Variants in PREX2 observed in about 807,000 individuals in gnomAD.
The protein encoded by PREX2 is phosphatidylinositol 3,4,5-trisphosphate-dependent Rac exchanger 2 protein.
Under a neutral mutation model 203.2 loss-of-function variants are expected in PREX2, and 107 were observed. That is an observed-to-expected ratio of 0.53 (90% CI 0.45 to 0.62). PREX2 has a LOEUF of 0.62. Among genes scored for constraint, PREX2 ranks in the 20% least tolerant of loss-of-function variants. The probability of loss-of-function intolerance (pLI) is 0.00; values close to 1 mark genes in which losing one functional copy is unlikely to be tolerated. For synonymous variants in PREX2, 672 were observed against 663.6 expected (o/e 1.01, Z -0.19); for missense variants, 1,777 against 1,955.9 (o/e 0.91, Z 1.72).
Position 67,990,806 on chromosome 8 carries a change from C to T in PREX2, c.142-27040C>T, listed in dbSNP as rs945251976. ...GATTACAGGCGTGAGCCACCGTGCC[C>T]GGCCTCCCAGGTGGTTTTGATGTGC... On this transcript the variant is annotated intron_variant, in intron 1 of 39. Transcript: ENST00000288368. Among the ~76,000 whole-genome samples the T allele has an allele frequency of 1.2e-4, 18 of 152,156 alleles. 1 individual carries two copies. The highest frequency in any genetic ancestry group is 1.0e-3 in the Admixed American group (16 of 15,272).
intron 1 of PREX2, among the ~76,000 whole-genome samples, chr8:67,996,142 C>A: frequency 6.6e-6 from 1 of 151,868 alleles, no homozygotes; most frequent in East Asian, 1.9e-4. Flanking sequence ...CTGTTATGTC[C>A]AAGTTTTTAC....
At chr8:68,034,640 G>A (rs190076357) in intron 6 of PREX2, among the ~76,000 whole-genome samples, 5 of 152,118 alleles carry the variant, frequency 3.3e-5, no homozygotes, top group African/African-American at 9.6e-5. Flanking sequence ...GAAAGAAATT[G>A]GACATTTCTT....
chr8:68,010,540 T>C (rs985827421), intron 1 of PREX2, among the ~76,000 whole-genome samples: 2 of 152,176 alleles, frequency 1.3e-5, no homozygotes, highest in Admixed American at 6.5e-5. Context: ...TCAGATAACA[T>C]TTACTGGGCC....
chr8:68,166,868 T>C (rs936554360), intron 35 of PREX2, among the ~76,000 whole-genome samples: 4 of 151,950 alleles, frequency 2.6e-5, no homozygotes, highest in African/African-American at 9.7e-5. Context: ...GGTGGATGCC[T>C]TGAGCTGTGG....
chr8:68,220,109 G>A (rs1269720002), intron 38 of PREX2: 1 of 151,552 alleles, frequency 6.6e-6, no homozygotes, highest in Non-Finnish European at 1.5e-5. Context: ...ATTTTTTTGG[G>A]AATAAGAAAC....
chr8:68,070,066 A>G (rs1445119756), intron 13 of PREX2, among the ~76,000 whole-genome samples, 182 bp downstream of exon 13: 1 of 151,782 alleles, frequency 6.6e-6, no homozygotes, highest in African/African-American at 2.4e-5. Context: ...TTCTAATTAT[A>G]TAGTGTTTTC....
chr8:68,120,120 T>G (rs1810739330), intron 28 of PREX2, 76 bp from the exon 29 acceptor site: 1 of 959,840 alleles, frequency 1.0e-6, no homozygotes, highest in African/African-American at 1.7e-5. Context: ...AAAAAATATT[T>G]TATAAGATTT....
chr8:68,133,239 A>G (rs779196055), intron 31 of PREX2, among the ~76,000 whole-genome samples: 3 of 152,134 alleles, frequency 2.0e-5, no homozygotes, highest in Non-Finnish European at 4.4e-5. Flanking sequence ...CAAGAACAGC[A>G]TGGGAGAAAC....
intron 1 of PREX2, among the ~76,000 whole-genome samples, chr8:68,016,345 C>G (rs1203873357): frequency 6.6e-6 from 1 of 151,944 alleles, no homozygotes; most frequent in African/African-American, 2.4e-5. Flanking sequence ...AATTTTTTCA[C>G]CAGACAGTAT....
intron 32 of PREX2, 59 bp from the exon 33 acceptor site, chr8:68,138,356 T>C: frequency 1.1e-6 from 1 of 886,766 alleles, no homozygotes; most frequent in Non-Finnish European, 1.7e-6. Flanking sequence ...CATTATGTCA[T>C]GTTACGTTAT....
intron 11 of PREX2, among the ~76,000 whole-genome samples, chr8:68,067,464 G>A (rs1458306143): frequency 6.6e-6 from 1 of 151,798 alleles, no homozygotes; most frequent in Non-Finnish European, 1.5e-5. Context: ...TCACCTTCTT[G>A]TGTTATTCCT....
chr8:68,120,841 A>T, intron 29 of PREX2, 80 bp from the exon 30 acceptor site: 1 of 1,218,584 alleles, frequency 8.2e-7, no homozygotes, highest in Non-Finnish European at 1.2e-6. Context: ...CAACAGTGAC[A>T]GAAGAAGGTT....
intron 23 of PREX2, chr8:68,105,490 C>T: frequency 8.6e-7 from 1 of 1,160,094 alleles, no homozygotes; most frequent in Non-Finnish European, 1.1e-6. Flanking sequence ...GCCAGTCCCC[C>T]TAGCAAGAGA....
chr8:68,209,432 A>G (rs1216932275), intron 37 of PREX2, among the ~76,000 whole-genome samples: 1 of 152,198 alleles, frequency 6.6e-6, no homozygotes, highest in African/African-American at 2.4e-5. Context: ...AATCTGTAAG[A>G]TTCTAAATAT....
At chr8:68,074,545 C>T (rs1458755443) in intron 14 of PREX2, among the ~76,000 whole-genome samples, 2 of 152,214 alleles carry the variant, frequency 1.3e-5, no homozygotes, top group Admixed American at 6.5e-5. Context: ...TAAGTATCAA[C>T]ATAATCAACT....
chr8:67,970,703 C>A (rs1412745109), intron 1 of PREX2, among the ~76,000 whole-genome samples: 1 of 152,114 alleles, frequency 6.6e-6, no homozygotes, highest in Non-Finnish European at 1.5e-5. Flanking sequence ...AGGAGAAAAT[C>A]ATTTTCCTCT....
intron 19 of PREX2, among the ~76,000 whole-genome samples, chr8:68,090,143 G>T (rs1442891924): frequency 1.3e-5 from 2 of 152,050 alleles, no homozygotes; most frequent in African/African-American, 4.8e-5. Flanking sequence ...TTTTTTATGT[G>T]CATGTTAAAT....
chr8:68,158,121 A>G lies in PREX2; in HGVS notation c.4346+685A>G, dbSNP rs201277237. On this transcript the variant is annotated intron_variant, in intron 35 of 39. Transcript: ENST00000288368. ...TGTGTATATATATGTGTGTATATAT[A>G]TGTATATATATATACACACATATAT... Among the ~76,000 whole-genome samples the G allele has an allele frequency of 1.2e-3, 138 of 118,768 alleles. 2 individuals carry two copies. The highest frequency in any genetic ancestry group is 0.011 in the South Asian group (43 of 3,978). The allele number at this position is 118,768 out of a possible 152,430, so 77.9% of individuals were successfully genotyped here. A position where few individuals can be genotyped will look rare whatever the true frequency, so the allele number is the denominator to read the frequency against.
At chr8:68,199,645 G>A (rs1461722634) in intron 37 of PREX2, among the ~76,000 whole-genome samples, 1 of 152,130 alleles carries the variant, frequency 6.6e-6, no homozygotes, top group Non-Finnish European at 1.5e-5. Context: ...TTCAAATGAA[G>A]ATGAACAGTA....
Sources: gnomAD v4.1 joint callset for allele counts (sites outside exome capture counted in the v4.1 genomes callset) on GRCh38, gnomAD v4.1.1 for gene constraint, MANE v1.5 for transcripts, NCBI Gene and HGNC (gene_info 2026-07-23, HGNC 2026-07-21) for gene names.